ZNF451: variants seen among roughly 807,000 people sequenced by gnomAD.
ZNF451 encodes zinc finger protein 451.
In ZNF451, 80 loss-of-function variants were observed where a neutral mutation model predicts 107.1. That is an observed-to-expected ratio of 0.75 (90% CI 0.62 to 0.90). The LOEUF is 0.90. ZNF451 is among the 40% of genes least tolerant of loss of function. ZNF451 has a pLI of 0.00. For missense variants in ZNF451, 1,107 were observed against 1,236.2 expected (o/e 0.90, Z 1.57); for synonymous variants, 362 against 406.5 (o/e 0.89, Z 1.32).
chr6:57,132,074 G>T (rs143329435), intron 5 of ZNF451, among the ~76,000 whole-genome samples: 2 of 152,136 alleles, frequency 1.3e-5, no homozygotes, highest in Non-Finnish European at 2.9e-5. Flanking sequence ...GAAAAAAATT[G>T]TGGACAAACT....
chr6:57,111,360 G>C (rs553160639), intron 3 of ZNF451, among the ~76,000 whole-genome samples: 21 of 147,204 alleles, frequency 1.4e-4, no homozygotes, highest in African/African-American at 5.3e-4. Context: ...GAGTTACTGT[G>C]GGGTTTTTTT....
intron 3 of ZNF451, chr6:57,101,669 G>T: frequency 6.4e-7 from 1 of 1,550,692 alleles, no homozygotes. Flanking sequence ...TTTGATCGTG[G>T]AAAAGCAAGA....
intron 7 of ZNF451, among the ~76,000 whole-genome samples, chr6:57,137,678 G>C (rs1417204704): frequency 6.6e-6 from 1 of 152,162 alleles, no homozygotes; most frequent in Non-Finnish European, 1.5e-5. Context: ...AGTGTCATTT[G>C]TGAGTCTGTT....
chr6:57,147,567 C>T lies in ZNF451; in HGVS notation c.1482C>T (p.Asn494=). 7 of 1,614,084 alleles carry T rather than the reference C, an allele frequency of 4.3e-6. No individual in the cohort carries two copies. Among genetic ancestry groups the T allele is most frequent in the Non-Finnish European group, 5.9e-6 (7 of 1,179,992 alleles). The change falls in exon 10 of 15, where the codon AAC becomes AAT. Residue 494 remains asparagine, a synonymous_variant. Coordinates refer to ENST00000370706, the MANE Select transcript of ZNF451 (RefSeq NM_001031623.3). ...DAVEKHVFSA[N]TMGYKCVVCG... is the part of the protein sequence containing the mutation. ...TAGAAAAGCATGTTTTCTCAGCAAA[C>T]ACAATGGGTTATAAATGTGTGGTCT... is the stretch of plus-strand genomic sequence containing the variant.
intron 3 of ZNF451, among the ~76,000 whole-genome samples, chr6:57,121,797 A>C (rs1830651986): frequency 6.6e-6 from 1 of 152,214 alleles, no homozygotes; most frequent in Admixed American, 6.5e-5. Context: ...TAAAATGGCC[A>C]TTCTGCCCAA....
rs1032279463 is a variant in ZNF451, at chr6:57,154,292, G to A, written c.3070+245G>A. On this transcript the variant is annotated intron_variant, in intron 13 of 14. Transcript: ENST00000370706. ...TGATCTAGTAGATAAAATCTATATT[G>A]ATGTATATAAAACATATATTCATGT... The A allele has an allele frequency of 1.5e-5, 9 of 589,256 alleles. No homozygotes were observed. In the African/African-American group the frequency reaches 1.7e-4, roughly 11 times the overall value. The allele number at this position is 589,256 out of a possible 1,614,324, so 36.5% of individuals were successfully genotyped here.
chr6:57,152,618 C>T (rs1418045778), intron 12 of ZNF451, among the ~76,000 whole-genome samples: 1 of 152,100 alleles, frequency 6.6e-6, no homozygotes, highest in Non-Finnish European at 1.5e-5. Context: ...GTTTTTGAGA[C>T]AGTCTCGCTC....
chr6:57,101,063 C>T, intron 3 of ZNF451: 3 of 1,550,752 alleles, frequency 1.9e-6, no homozygotes, highest in Non-Finnish European at 2.6e-6. Context: ...AGTGAGAACT[C>T]CTCAGTTCCT....
At chr6:57,090,302 T>C (rs1829000732) in intron 1 of ZNF451, 28 bp downstream of exon 1, 2 of 1,609,378 alleles carry the variant, frequency 1.2e-6, no homozygotes, top group Admixed American at 3.4e-5. Context: ...GGTCCTGGCG[T>C]TCTCAGAGGC....
At chr6:57,158,965 A>G (rs1464903234) in intron 13 of ZNF451, 1 of 985,350 alleles carries the variant, frequency 1.0e-6, no homozygotes, top group African/African-American at 1.7e-5. Context: ...ATGGAAGTGT[A>G]GATGATTGAA....
At chr6:57,145,103 G>A (rs1831997236) in intron 9 of ZNF451, among the ~76,000 whole-genome samples, 1 of 152,172 alleles carries the variant, frequency 6.6e-6, no homozygotes, top group South Asian at 2.1e-4. Flanking sequence ...TATATTAAAT[G>A]TATAAAATGG....
chr6:57,146,316 C>T (rs1562620480), intron 9 of ZNF451, among the ~76,000 whole-genome samples: 1 of 152,170 alleles, frequency 6.6e-6, no homozygotes, highest in East Asian at 1.9e-4. Flanking sequence ...GTTGCATTTG[C>T]TTTTGAGGAC....
intron 12 of ZNF451, 138 bp downstream of exon 12, chr6:57,152,489 C>A: frequency 1.1e-6 from 1 of 952,240 alleles, no homozygotes; most frequent in Non-Finnish European, 1.6e-6. Context: ...GAAGGCAGGA[C>A]CCCATAGCAT....
intron 2 of ZNF451, among the ~76,000 whole-genome samples, chr6:57,098,546 C>T (rs1369029285): frequency 6.6e-6 from 1 of 152,008 alleles, no homozygotes; most frequent in East Asian, 1.9e-4. Context: ...TTTCTTTTGC[C>T]TATTGAATAA....
chr6:57,158,411 A>T, intron 13 of ZNF451: 1 of 677,050 alleles, frequency 1.5e-6, no homozygotes, highest in Non-Finnish European at 1.8e-6. Context: ...CTGGTGCTTT[A>T]AAAAGTAAAG....
chr6:57,113,691 G>T (rs1010663498), intron 3 of ZNF451, among the ~76,000 whole-genome samples: 4 of 148,154 alleles, frequency 2.7e-5, no homozygotes, highest in African/African-American at 1.0e-4. Context: ...GTGCAATCTC[G>T]GCTCACTGCA....
intron 3 of ZNF451, chr6:57,115,284 T>A (rs1189637220): frequency 6.6e-6 from 1 of 152,124 alleles, no homozygotes; most frequent in Non-Finnish European, 1.5e-5. Context: ...AGTATCTAAT[T>A]GATTGATCTA....
At chr6:57,105,287 A>G in intron 3 of ZNF451, 1 of 984,888 alleles carries the variant, frequency 1.0e-6, no homozygotes, top group Non-Finnish European at 1.2e-6. Flanking sequence ...ATTCTTCAAA[A>G]TGTTATTTCT....
chr6:57,145,633 A>G (rs1375496104), intron 9 of ZNF451, among the ~76,000 whole-genome samples: 1 of 151,900 alleles, frequency 6.6e-6, no homozygotes, highest in African/African-American at 2.4e-5. Context: ...GCATGATTTC[A>G]TTCTTTTTTA....
Sources: gnomAD v4.1 joint callset for allele counts (sites outside exome capture counted in the v4.1 genomes callset) on GRCh38, gnomAD v4.1.1 for gene constraint, MANE v1.5 for transcripts, NCBI Gene and HGNC (gene_info 2026-07-23, HGNC 2026-07-21) for gene names.